Variants in IL12RB2 observed in about 807,000 individuals in gnomAD.
The protein encoded by IL12RB2 is interleukin-12 receptor subunit beta-2.
Under a neutral mutation model 89.4 loss-of-function variants are expected in IL12RB2, and 82 were observed. The ratio of observed to expected loss-of-function variants is 0.92; its 90% CI spans 0.77 to 1.10. The LOEUF is 1.10. IL12RB2 is among the 50% of genes least tolerant of loss of function. The pLI, the probability that IL12RB2 is intolerant of heterozygous loss-of-function variation, is 0.00. For synonymous variants in IL12RB2, 368 were observed against 370.1 expected (o/e 0.99, Z 0.07); for missense variants, 963 against 1,031.9 (o/e 0.93, Z 0.92).
chr1:67,385,864 C>A (rs757897736), intron 14 of IL12RB2, among the ~76,000 whole-genome samples: 1 of 152,194 alleles, frequency 6.6e-6, no homozygotes, highest in Non-Finnish European at 1.5e-5. Context: ...CATCTCTGAT[C>A]TTCATGACAA....
intron 15 of IL12RB2, among the ~76,000 whole-genome samples, chr1:67,387,201 A>AC (rs1665294103): frequency 6.6e-6 from 1 of 150,422 alleles, no homozygotes; most frequent in Non-Finnish European, 1.5e-5. Flanking sequence ...AAGTGCTGGG[A>AC]TTACAGGTAT....
chr1:67,361,289 A>T (rs1477340641), intron 10 of IL12RB2, among the ~76,000 whole-genome samples: 2 of 152,134 alleles, frequency 1.3e-5, no homozygotes, highest in Admixed American at 6.5e-5. Flanking sequence ...CAACAAAACA[A>T]CAGTTAGTTG....
intron 8 of IL12RB2, among the ~76,000 whole-genome samples, chr1:67,332,672 GAC>G (rs1262101771): frequency 4.6e-5 from 7 of 152,016 alleles, no homozygotes; most frequent in Non-Finnish European, 1.0e-4. Context: ...TTTTTTTAAA[GAC>G]TATCTCATGA....
Position 67,351,044 on chromosome 1 carries a change from A to C in IL12RB2, c.1213A>C (p.Ser405Arg). The C allele has an allele frequency of 6.2e-7, 1 of 1,613,724 alleles. No individual in the cohort carries two copies. The highest frequency in any genetic ancestry group is 8.5e-7 in the Non-Finnish European group (1 of 1,179,938). Residue 405 changes from serine to arginine, a missense_variant, in exon 10 of 17, where the codon AGT becomes CGT. Transcript: ENST00000674203. ...TGTGTCTGCAGCAAATTCAAAAGGC[A>C]GTTCTCTGCCCACTCGTATTAACAT... is the stretch of plus-strand genomic sequence containing the variant. ...VAVSAANSKG[S>R]SLPTRINIMN...
chr1:67,396,110 A>C lies in IL12RB2; in HGVS notation c.*21A>C. On this transcript the variant is annotated 3_prime_UTR_variant, in exon 17 of 17. Transcript: ENST00000674203. Reference sequence around the variant, plus strand: ...TCTGAGTGGTGAGGCTTCAAGCCTTAAAGTCAGTGTGCCCTCAACCAGCAC... The same window carrying C: ...TCTGAGTGGTGAGGCTTCAAGCCTTCAAGTCAGTGTGCCCTCAACCAGCAC... 6.9e-7 allele frequency: 1 copy of C among 1,456,252 alleles called. No homozygotes were observed. The highest frequency in any genetic ancestry group is 9.6e-7 in the Non-Finnish European group (1 of 1,037,342). The allele number at this position is 1,456,252 out of a possible 1,614,324, so 90.2% of individuals were successfully genotyped here.
intron 6 of IL12RB2, 95 bp downstream of exon 6, chr1:67,328,479 T>C: frequency 6.3e-7 from 1 of 1,590,762 alleles, no homozygotes; most frequent in Non-Finnish European, 8.5e-7. Context: ...AGACAGAGAT[T>C]GATGGAAATT....
chr1:67,349,374 A>T (rs1660579844), intron 9 of IL12RB2, among the ~76,000 whole-genome samples: 1 of 152,190 alleles, frequency 6.6e-6, no homozygotes, highest in Non-Finnish European at 1.5e-5. Context: ...CACATAGGGA[A>T]CAACGGAGTG....
At position 67,342,761 on chromosome 1, in the gene IL12RB2, C is replaced by CTTTT. The variant is rs71062413; in HGVS notation, c.1038+4071_1038+4074dup. On this transcript the variant is annotated intron_variant, in intron 9 of 16. Transcript: ENST00000674203. Reference sequence around the variant, plus strand: ...CTTGTACTACTTTTTAAAATCACACCTTTTTTTTTTTTTTTTGAGACAGGG... The same window carrying CTTTT: ...CTTGTACTACTTTTTAAAATCACACCTTTTTTTTTTTTTTTTTTTTGAGACAGGG... 2.8e-3 allele frequency among the ~76,000 whole-genome samples: 382 copies of CTTTT among 137,150 alleles called. 103 individuals are homozygous for CTTTT. Among genetic ancestry groups the CTTTT allele is most frequent in the South Asian group, 0.011 (47 of 4,408 alleles). 90.0% of individuals were successfully genotyped at this position (137,150 alleles called of 152,430 possible).
At position 67,396,797 on chromosome 1, in the gene IL12RB2, C is replaced by T. The variant is rs1317816319; in HGVS notation, c.*708C>T. ...GTAAACACCAAGGTAAAAGGGCCCC[C>T]AAGGTGGTCATGACTGGTCTCATTT... is the stretch of plus-strand genomic sequence containing the variant. On this transcript the variant is annotated 3_prime_UTR_variant, in exon 17 of 17. Transcript: ENST00000674203. The T allele has an allele frequency of 6.6e-6, 1 of 152,420 alleles. No individual in the cohort carries two copies. Among genetic ancestry groups the T allele is most frequent in the African/African-American group, 2.4e-5 (1 of 41,394 alleles). 9.4% of individuals were successfully genotyped at this position (152,420 alleles called of 1,614,324 possible).
At chr1:67,319,653 A>T (rs1656237260) in intron 2 of IL12RB2, among the ~76,000 whole-genome samples, 2 of 152,186 alleles carry the variant, frequency 1.3e-5, no homozygotes, top group Non-Finnish European at 2.9e-5. Context: ...TGTGGGACTA[A>T]GTCTCAGACA....
chr1:67,351,062 A>G lies in IL12RB2; in HGVS notation c.1231A>G (p.Ile411Val), dbSNP rs200520603. The G allele has an allele frequency of 7.3e-5, 118 of 1,613,348 alleles. No individual in the cohort carries two copies. The East Asian group carries it at 2.6e-3, about 35-fold the overall frequency. The stretch of plus-strand genomic sequence containing the variant: ...AAAAGGCAGTTCTCTGCCCACTCGT[A>G]TTAACATAATGAACCTGTGTGAGGC... ...NSKGSSLPTRINIMNLCEAGL... is the reference protein window; with the variant it reads ...NSKGSSLPTRVNIMNLCEAGL... The change falls in exon 10 of 17, where the codon ATT becomes GTT. Residue 411 changes from isoleucine to valine, a missense_variant. Ile to Val is a conservative substitution (Grantham distance 29, BLOSUM62 3). Coordinates refer to ENST00000674203, the MANE Select transcript of IL12RB2 (RefSeq NM_001374259.2).
Position 67,390,137 on chromosome 1 carries a change from C to A in IL12RB2, c.2046+9C>A, listed in dbSNP as rs202157692. ...AATATCCCATTGCAGAGGTAAGGTA[C>A]AATTCCTCTGTGGTCAGTCAGTGGA... On this transcript the variant is annotated intron_variant, in intron 16 of 16. Coordinates refer to ENST00000674203, the MANE Select transcript of IL12RB2 (RefSeq NM_001374259.2). 2.9e-5 allele frequency: 29 copies of A among 1,009,752 alleles called. No homozygotes were observed. In the East Asian group the frequency reaches 6.9e-4, roughly 24 times the overall value. 62.5% of individuals were successfully genotyped at this position (1,009,752 alleles called of 1,614,324 possible). A position where few individuals can be genotyped will look rare whatever the true frequency, so the allele number is the denominator to read the frequency against.
Position 67,398,560 on chromosome 1 carries a change from C to T in IL12RB2, c.*2471C>T, listed in dbSNP as rs1666481905. On this transcript the variant is annotated 3_prime_UTR_variant, in exon 17 of 17. Coordinates refer to ENST00000674203, the MANE Select transcript of IL12RB2 (RefSeq NM_001374259.2). ...AATCCTTCCTTGACTCCTAAAGACT[C>T]CTAAGGATGCTGAGGCCTCCTCAGC... Among the ~76,000 whole-genome samples the T allele has an allele frequency of 1.3e-5, 2 of 150,930 alleles. No individual in the cohort carries two copies. The highest frequency in any genetic ancestry group is 4.2e-4 in the South Asian group (2 of 4,760).
intron 16 of IL12RB2, among the ~76,000 whole-genome samples, chr1:67,390,993 C>A (rs1380256154): frequency 6.6e-6 from 1 of 152,026 alleles, no homozygotes; most frequent in African/African-American, 2.4e-5. Flanking sequence ...ATAGTCCCAA[C>A]CTCCACTCAA....
intron 14 of IL12RB2, 73 bp downstream of exon 14, chr1:67,380,196 T>A: frequency 6.1e-6 from 9 of 1,478,938 alleles, no homozygotes; most frequent in African/African-American, 1.4e-5. Context: ...TTACATTTGG[T>A]ATAGAGATAA....
chr1:67,383,606 C>A lies in IL12RB2; in HGVS notation c.1856-2973C>A, dbSNP rs536537484. On this transcript the variant is annotated intron_variant, in intron 14 of 16. Coordinates refer to ENST00000674203, the MANE Select transcript of IL12RB2 (RefSeq NM_001374259.2). ...GGGGTACAGGCATTGGGAAAATACACCCCTTCCAAATGGGAGAAATTGGCC... is the reference window on the plus strand; with the variant it reads ...GGGGTACAGGCATTGGGAAAATACAACCCTTCCAAATGGGAGAAATTGGCC... 3.9e-5 allele frequency among the ~76,000 whole-genome samples: 6 copies of A among 152,264 alleles called. No homozygotes were observed. The East Asian group carries it at 9.6e-4, about 24-fold the overall frequency.
intron 9 of IL12RB2, among the ~76,000 whole-genome samples, chr1:67,347,094 A>C (rs925955978): frequency 6.6e-6 from 1 of 152,202 alleles, no homozygotes; most frequent in Non-Finnish European, 1.5e-5. Flanking sequence ...AGGCTCAAAA[A>C]GGGAAAATAA....
At chr1:67,386,208 CAAAAAAA>C (rs755471388) in intron 14 of IL12RB2, among the ~76,000 whole-genome samples, 94 of 54,574 alleles carry the variant, frequency 1.7e-3, no homozygotes, top group Middle Eastern at 0.018. Context: ...GACTCCATCT[CAAAAAAA>C]AAAAAAAAAA....
At chr1:67,365,410 AG>A (rs1285506826) in intron 10 of IL12RB2, among the ~76,000 whole-genome samples, 2 of 152,164 alleles carry the variant, frequency 1.3e-5, no homozygotes, top group Non-Finnish European at 1.5e-5. Flanking sequence ...ACTAAAAAAA[AG>A]AGAGAAAGAG....
Sources: allele counts gnomAD v4.1 joint callset (sites outside exome capture counted in the v4.1 genomes callset), GRCh38; gene constraint gnomAD v4.1.1; transcripts MANE v1.5; gene names NCBI Gene and HGNC (gene_info 2026-07-23, HGNC 2026-07-21).